Variants in FGF13 observed in about 807,000 individuals in gnomAD.
FGF13 encodes the protein fibroblast growth factor homologous factor 2.
FGF13 carries 2 observed loss-of-function variants against 19.5 expected under a neutral mutation model. That is an observed-to-expected ratio of 0.10 (90% CI 0.04 to 0.32). The LOEUF is 0.32. Ranked by LOEUF, FGF13 falls within the 10% of genes least tolerant of loss-of-function variation. FGF13 has a pLI of 1.00. For missense variants in FGF13, 113 were observed against 192.7 expected, an observed-to-expected ratio of 0.59 and a Z score of 2.45; for synonymous variants, 72 against 76.9, an observed-to-expected ratio of 0.94 and a Z score of 0.33.
chrX:139,188,046 C>A (rs1481623347), intron 1 of FGF13, among the ~76,000 whole-genome samples: 1 of 112,230 alleles, frequency 8.9e-6, no homozygotes, highest in African/African-American at 3.2e-5. Flanking sequence ...AACGATCGCA[C>A]TTGCTACCAC....
At position 139,000,110 on chromosome X, in the gene FGF13, A is replaced by G. The variant is rs9698373; in HGVS notation, c.-112-135460T>C. Among the ~76,000 whole-genome samples, 1,076 of 112,141 alleles carry G rather than the reference A, an allele frequency of 9.6e-3. 12 individuals carry two copies. Among genetic ancestry groups the G allele is most frequent in the African/African-American group, 0.033 (1,014 of 30,817 alleles). ...CACATGATTATCTCAATAGATGCAT[A>G]AAAGGCCTTCTATAAAATTCAACAG... On this transcript the variant is annotated intron_variant, in intron 1 of 2. Coordinates refer to the FGF13 transcript ENST00000421460.
chrX:138,738,953 G>A (rs2090299908), intron 1 of FGF13, among the ~76,000 whole-genome samples: 1 of 110,821 alleles, frequency 9.0e-6, no homozygotes, highest in South Asian at 3.8e-4. Context: ...TTTTCTAAAT[G>A]TAAATAGAGT....
intron 1 of FGF13, among the ~76,000 whole-genome samples, chrX:138,954,094 ACGAGAG>A (rs1386643594): frequency 3.8e-5 from 1 of 26,612 alleles, no homozygotes; most frequent in African/African-American, 1.1e-4. Flanking sequence ...TGTAAATTTA[ACGAGAG>A]AGAGAGAGAG....
intron 1 of FGF13, among the ~76,000 whole-genome samples, chrX:138,729,241 T>C (rs1442146295): frequency 2.7e-5 from 3 of 111,239 alleles, no homozygotes; most frequent in African/African-American, 6.5e-5. Flanking sequence ...ATAAAATAAC[T>C]ATGATACATA....
intron 1 of FGF13, among the ~76,000 whole-genome samples, chrX:139,006,093 C>G (rs895459671): frequency 6.3e-5 from 7 of 111,054 alleles, no homozygotes; most frequent in Non-Finnish European, 1.1e-4. Flanking sequence ...TTATAGAACA[C>G]AAAGCAGATT....
chrX:138,974,916 C>A (rs183383709), intron 1 of FGF13, among the ~76,000 whole-genome samples: 1 of 112,050 alleles, frequency 8.9e-6, no homozygotes, highest in Non-Finnish European at 1.9e-5. Context: ...TTACAGGCAC[C>A]CTAATTTTTA....
chrX:138,916,446 G>T (rs111645210), intron 1 of FGF13, among the ~76,000 whole-genome samples: 3,969 of 111,294 alleles, frequency 0.036, 82 homozygotes, highest in Non-Finnish European at 0.056. Context: ...GCAAAGAAAG[G>T]GTCTGCATTT....
In FGF13 at chrX:138,974,026, T is replaced by G. The variant is rs142843143; in HGVS notation, c.-112-109376A>C. ...GATCTGAGTTGAAGCACTCTTGACC[T>G]CTCAACATGTAATGTCCTCTGCCAT... On this transcript the variant is annotated intron_variant, in intron 1 of 2. Transcript: ENST00000421460. Among the ~76,000 whole-genome samples, 1,094 of 111,314 alleles carry G rather than the reference T, an allele frequency of 9.8e-3. 13 individuals are homozygous for G. The highest frequency in any genetic ancestry group is 0.033 in the African/African-American group (1,019 of 30,570).
Position 138,913,252 on chromosome X carries a change from C to T in FGF13, c.-112-48602G>A, listed in dbSNP as rs184050274. On this transcript the variant is annotated intron_variant, in intron 1 of 2. Coordinates refer to the FGF13 transcript ENST00000421460. ...GTTGATCTTGGCTCACTGCAACCTCCGCCTCCCGAGTTCAAGCAATTCTTC... is the reference window on the plus strand; with the variant it reads ...GTTGATCTTGGCTCACTGCAACCTCTGCCTCCCGAGTTCAAGCAATTCTTC... Among the ~76,000 whole-genome samples the T allele has an allele frequency of 2.2e-4, 20 of 89,873 alleles. 1 individual carries two copies. Among genetic ancestry groups the T allele is most frequent in the South Asian group, 2.1e-3 (3 of 1,422 alleles). 78.0% of individuals were successfully genotyped at this position (89,873 alleles called of 115,157 possible). A position where few individuals can be genotyped will look rare whatever the true frequency, so the allele number is the denominator to read the frequency against.
intron 1 of FGF13, among the ~76,000 whole-genome samples, chrX:138,720,550 A>G (rs772666256): frequency 8.9e-6 from 1 of 111,942 alleles, no homozygotes; most frequent in South Asian, 3.7e-4. Flanking sequence ...TGGAGGAGAA[A>G]GAGAAGTAAA....
At chrX:139,157,113 CATTATT>C (rs1316485601) in intron 1 of FGF13, among the ~76,000 whole-genome samples, 1 of 111,177 alleles carries the variant, frequency 9.0e-6, no homozygotes, top group Non-Finnish European at 1.9e-5. Context: ...TGATTATTAT[CATTATT>C]ATTATTATTT....
At chrX:138,875,995 T>TACACACACAC (rs749175408) in intron 1 of FGF13, among the ~76,000 whole-genome samples, 3 of 98,058 alleles carry the variant, frequency 3.1e-5, no homozygotes, top group Admixed American at 1.1e-4. Flanking sequence ...TATCGGCTTG[T>TACACACACAC]ACACACACAC....
chrX:138,978,420 G>A lies in FGF13; in HGVS notation c.-112-113770C>T, dbSNP rs373427114. 4.6e-5 allele frequency among the ~76,000 whole-genome samples: 5 copies of A among 109,837 alleles called. No homozygotes were observed. In the East Asian group the frequency reaches 1.5e-3, roughly 32 times the overall value. On this transcript the variant is annotated intron_variant, in intron 1 of 2. Coordinates refer to the FGF13 transcript ENST00000421460. ...TGGGATCACAGGCGCCCTCCACCAC[G>A]CCTGGCTAATTTTTTGTATTTTTAG...
intron 3 of FGF13, among the ~76,000 whole-genome samples, chrX:138,839,302 A>T (rs1227323339): frequency 6.3e-5 from 7 of 111,310 alleles, no homozygotes; most frequent in African/African-American, 9.8e-5. Context: ...TTAAAAAAAA[A>T]TTTTCCACTC....
intron 1 of FGF13, among the ~76,000 whole-genome samples, chrX:138,892,002 A>ATATATGTATGTGTGTGTGTG (rs756839627): frequency 7.1e-4 from 64 of 90,378 alleles, no homozygotes; most frequent in African/African-American, 2.2e-3. Flanking sequence ...ATATATACAT[A>ATATATGTATGTGTGTGTGTG]TGTGTGTGTG....
At chrX:139,070,808 T>C (rs1195435711) in intron 1 of FGF13, among the ~76,000 whole-genome samples, 3 of 111,739 alleles carry the variant, frequency 2.7e-5, no homozygotes, top group African/African-American at 9.8e-5. Context: ...TATGCGGCCA[T>C]ATAAAAGGAT....
intron 3 of FGF13, among the ~76,000 whole-genome samples, chrX:138,774,903 C>T (rs974740050): frequency 5.4e-5 from 6 of 111,986 alleles, no homozygotes; most frequent in Admixed American, 3.8e-4. Flanking sequence ...TGGACAACAC[C>T]CACCTGCTCC....
chrX:138,741,717 G>A (rs893990780), upstream of FGF13, among the ~76,000 whole-genome samples: 3 of 111,795 alleles, frequency 2.7e-5, no homozygotes, highest in Non-Finnish European at 5.6e-5. Context: ...GGAAGCAAGT[G>A]TCTTGTTCTC....
chrX:139,026,117 A>G (rs372498703), intron 1 of FGF13, among the ~76,000 whole-genome samples: 42 of 111,031 alleles, frequency 3.8e-4, no homozygotes, highest in Admixed American at 1.1e-3. Flanking sequence ...CCCTTACACC[A>G]CTTCACTGGT....
Sources: gnomAD v4.1 joint callset for allele counts (sites outside exome capture counted in the v4.1 genomes callset) on GRCh38, gnomAD v4.1.1 for gene constraint, MANE v1.5 for transcripts, NCBI Gene and HGNC (gene_info 2026-07-23, HGNC 2026-07-21) for gene names.